Variants in GRIK2 observed in about 807,000 individuals in gnomAD.
GRIK2 encodes the protein glutamate receptor ionotropic, kainate 2.
Under a neutral mutation model 100.3 loss-of-function variants are expected in GRIK2, and 32 were observed. The ratio of observed to expected loss-of-function variants is 0.32; its 90% CI spans 0.24 to 0.43. The LOEUF is 0.43. Ranked by LOEUF, GRIK2 falls within the 20% of genes least tolerant of loss-of-function variation. GRIK2 has a pLI of 1.00. For missense variants in GRIK2, 843 were observed against 1,114.9 expected (o/e 0.76, Z 3.47); for synonymous variants, 417 against 389.4 (o/e 1.07, Z -0.83).
Position 101,755,201 on chromosome 6 carries a change from C to T in GRIK2, c.952-44447C>T, listed in dbSNP as rs1277498708. On this transcript the variant is annotated intron_variant, in intron 7 of 16. Coordinates refer to ENST00000369134, the MANE Select transcript of GRIK2 (RefSeq NM_021956.5). Reference sequence around the variant, plus strand: ...TTTTTTTTTGAGACGGAGTCTTGCTCTGTCATCCAGTCTGGAGTGCAGTGG... The same window carrying T: ...TTTTTTTTTGAGACGGAGTCTTGCTTTGTCATCCAGTCTGGAGTGCAGTGG... 1.1e-4 allele frequency among the ~76,000 whole-genome samples: 13 copies of T among 113,780 alleles called. 1 individual carries two copies. In the East Asian group the frequency reaches 3.9e-3, roughly 34 times the overall value. 74.6% of individuals were successfully genotyped at this position (113,780 alleles called of 152,430 possible).
At position 102,049,477 on chromosome 6, in the gene GRIK2, C is replaced by A. The variant is rs577187571; in HGVS notation, c.2312-5853C>A. On this transcript the variant is annotated intron_variant, in intron 15 of 16. Transcript: ENST00000369134. ...AATAAGCGAGAGGGAAAAATTCTTC[C>A]CCGACAATAAATTTAAACATTAGAA... Among the ~76,000 whole-genome samples, 5 of 152,014 alleles carry A rather than the reference C, an allele frequency of 3.3e-5. No individual in the cohort carries two copies. The East Asian group carries it at 9.7e-4, about 29-fold the overall frequency.
intron 7 of GRIK2, among the ~76,000 whole-genome samples, chr6:101,742,505 A>G (rs563460912): frequency 8.5e-5 from 13 of 152,292 alleles, no homozygotes; most frequent in South Asian, 6.2e-4. Flanking sequence ...CACGTCCTCA[A>G]GGTGGTCGGG....
At chr6:101,606,901 C>A (rs1249839722) in intron 2 of GRIK2, among the ~76,000 whole-genome samples, 1 of 151,906 alleles carries the variant, frequency 6.6e-6, no homozygotes, top group African/African-American at 2.4e-5. Context: ...ATAACCTTTT[C>A]TAGCTTTTCT....
chr6:101,648,872 A>G (rs1311393316), intron 4 of GRIK2, among the ~76,000 whole-genome samples: 2 of 152,092 alleles, frequency 1.3e-5, no homozygotes, highest in African/African-American at 4.8e-5. Context: ...GAGGCCTCAC[A>G]AACATGGTGG....
intron 11 of GRIK2, among the ~76,000 whole-genome samples, chr6:101,885,225 C>A (rs2128455428): frequency 6.6e-6 from 1 of 152,100 alleles, no homozygotes; most frequent in Admixed American, 6.6e-5. Context: ...AAATTATATA[C>A]AAATTCACTG....
At chr6:101,595,358 T>G (rs1236882137) in intron 2 of GRIK2, among the ~76,000 whole-genome samples, 1 of 151,606 alleles carries the variant, frequency 6.6e-6, no homozygotes, top group Non-Finnish European at 1.5e-5. Flanking sequence ...TACTCTGCTT[T>G]GTAAAAGCAC....
intron 14 of GRIK2, among the ~76,000 whole-genome samples, chr6:102,029,902 T>C (rs1330116710): frequency 6.6e-6 from 1 of 151,234 alleles, no homozygotes; most frequent in Non-Finnish European, 1.5e-5. Context: ...TCCTGCGTCT[T>C]TCCTGGTATC....
At chr6:101,734,186 T>C (rs930344842) in intron 7 of GRIK2, among the ~76,000 whole-genome samples, 3 of 152,002 alleles carry the variant, frequency 2.0e-5, no homozygotes. Context: ...TACCAACAGA[T>C]AATATAGTAC....
chr6:101,745,070 T>G (rs891006696), intron 7 of GRIK2: 1 of 152,186 alleles, frequency 6.6e-6, no homozygotes, highest in Non-Finnish European at 1.5e-5. Context: ...TGAAAAGATA[T>G]TTTTTCATGT....
intron 2 of GRIK2, among the ~76,000 whole-genome samples, chr6:101,484,411 T>C (rs1772703558): frequency 6.6e-6 from 1 of 152,186 alleles, no homozygotes; most frequent in Non-Finnish European, 1.5e-5. Context: ...TCCTCCATTG[T>C]ATTTTCTGAA....
chr6:101,474,586 A>AC (rs1370752190), intron 2 of GRIK2, among the ~76,000 whole-genome samples: 1 of 151,920 alleles, frequency 6.6e-6, no homozygotes, highest in African/African-American at 2.4e-5. Flanking sequence ...CAATAAAGGC[A>AC]CTATTCCTGT....
At chr6:102,064,479 TC>T in intron 16 of GRIK2, among the ~76,000 whole-genome samples, 1 of 150,408 alleles carries the variant, frequency 6.6e-6, no homozygotes, top group South Asian at 2.1e-4. Context: ...TCTTTCTTTC[TC>T]CACTTCTTTT....
At chr6:101,743,934 T>G (rs1001179533) in intron 7 of GRIK2, among the ~76,000 whole-genome samples, 1 of 152,002 alleles carries the variant, frequency 6.6e-6, no homozygotes, top group Non-Finnish European at 1.5e-5. Flanking sequence ...GTGTACACTG[T>G]AGCAATATGT....
chr6:101,582,231 CCCAACAGG>C (rs138892940), intron 2 of GRIK2, among the ~76,000 whole-genome samples: 23,623 of 151,782 alleles, frequency 0.16, 2,227 homozygotes, highest in Middle Eastern at 0.25. Flanking sequence ...CCCCCTACTC[CCCAACAGG>C]CCAACAGGCC....
At chr6:101,768,359 G>C (rs1022870198) in intron 7 of GRIK2, among the ~76,000 whole-genome samples, 1 of 152,046 alleles carries the variant, frequency 6.6e-6, no homozygotes, top group African/African-American at 2.4e-5. Flanking sequence ...GTCCCAACTG[G>C]TGTTTGACAT....
intron 4 of GRIK2, among the ~76,000 whole-genome samples, chr6:101,645,296 C>G (rs1781470937): frequency 6.6e-6 from 1 of 151,764 alleles, no homozygotes; most frequent in African/African-American, 2.4e-5. Context: ...TTAATTGTGA[C>G]AGATGTTTAC....
At chr6:101,918,466 G>C (rs1789263771) in intron 12 of GRIK2, among the ~76,000 whole-genome samples, 1 of 151,504 alleles carries the variant, frequency 6.6e-6, no homozygotes. Context: ...ATGAGTAGTA[G>C]ATTATTTTAT....
At chr6:101,549,047 G>A (rs1240411350) in intron 2 of GRIK2, among the ~76,000 whole-genome samples, 5 of 152,060 alleles carry the variant, frequency 3.3e-5, no homozygotes, top group African/African-American at 1.2e-4. Flanking sequence ...TTGAGTTCCT[G>A]ACCATCTCTC....
At chr6:101,917,681 T>C (rs529937861) in intron 12 of GRIK2, among the ~76,000 whole-genome samples, 2 of 151,690 alleles carry the variant, frequency 1.3e-5, no homozygotes, top group South Asian at 2.1e-4. Flanking sequence ...CAACAAAGTG[T>C]ACCACTCCTT....
Sources: gnomAD v4.1 joint callset for allele counts (sites outside exome capture counted in the v4.1 genomes callset) on GRCh38, gnomAD v4.1.1 for gene constraint, MANE v1.5 for transcripts, NCBI Gene and HGNC (gene_info 2026-07-23, HGNC 2026-07-21) for gene names.